The following UTP20 variants were observed in gnomAD, a reference collection of about 807,000 sequenced individuals.
The protein encoded by UTP20 is small subunit processome component 20 homolog.
UTP20 carries 164 observed loss-of-function variants against 329.5 expected under a neutral mutation model. That is an observed-to-expected ratio of 0.50 (90% CI 0.44 to 0.57). UTP20 has a LOEUF of 0.57. Ranked by LOEUF, UTP20 falls within the 20% of genes least tolerant of loss-of-function variation. UTP20 has a pLI of 0.00. For synonymous variants in UTP20, 1,151 were observed against 1,159.3 expected (o/e 0.99, Z 0.14); for missense variants, 3,055 against 3,284.2 (o/e 0.93, Z 1.71).
chr12:101,299,517 C>T (rs1193109001), intron 12 of UTP20, among the ~76,000 whole-genome samples, 165 bp from the exon 13 acceptor site: 1 of 152,158 alleles, frequency 6.6e-6, no homozygotes, highest in Non-Finnish European at 1.5e-5. Flanking sequence ...AAAAGCTTCT[C>T]ACTGAAAACT....
At position 101,287,543 on chromosome 12, in the gene UTP20, T is replaced by C. The variant is rs1219663031; in HGVS notation, c.515+1034T>C. On this transcript the variant is annotated intron_variant, in intron 5 of 61. Coordinates refer to ENST00000261637, the MANE Select transcript of UTP20 (RefSeq NM_014503.3). ...TGAAACTGAACTCAACACTTTCCTG[T>C]TAAATCAACTCCTCTTATCTGTACA... Among the ~76,000 whole-genome samples, 3 of 152,240 alleles carry C rather than the reference T, an allele frequency of 2.0e-5. No individual in the cohort carries two copies. The East Asian group carries it at 5.8e-4, about 29-fold the overall frequency.
intron 40 of UTP20, among the ~76,000 whole-genome samples, chr12:101,354,617 G>T (rs886501424): frequency 2.0e-5 from 3 of 152,110 alleles, no homozygotes; most frequent in Non-Finnish European, 4.4e-5. Flanking sequence ...ATAATCGGCA[G>T]TTTATTTGTC....
At chr12:101,284,671 T>C (rs1270871041) in intron 2 of UTP20, among the ~76,000 whole-genome samples, 1 of 152,148 alleles carries the variant, frequency 6.6e-6, no homozygotes, top group Admixed American at 6.5e-5. Flanking sequence ...TGATAATTTA[T>C]TGGCTTTACC....
chr12:101,356,103 C>G (rs113036031), intron 41 of UTP20, among the ~76,000 whole-genome samples: 29 of 152,280 alleles, frequency 1.9e-4, no homozygotes, highest in African/African-American at 7.0e-4. Context: ...GGCTTAAGAT[C>G]TATAGAAAGA....
intron 21 of UTP20, among the ~76,000 whole-genome samples, chr12:101,314,455 G>A (rs1233400049): frequency 1.3e-5 from 2 of 151,824 alleles, no homozygotes; most frequent in Non-Finnish European, 2.9e-5. Flanking sequence ...TCAGGAGATC[G>A]AGACCATCCT....
chr12:101,300,149 C>A, intron 14 of UTP20, 88 bp downstream of exon 14: 2 of 1,284,714 alleles, frequency 1.6e-6, no homozygotes, highest in Non-Finnish European at 2.3e-6. Flanking sequence ...GAGAATAATA[C>A]TTACATTGTG....
At chr12:101,330,531 T>TGGAAAAGGGACTATA (rs1868727672) in intron 27 of UTP20, among the ~76,000 whole-genome samples, 2 of 152,166 alleles carry the variant, frequency 1.3e-5, no homozygotes, top group Admixed American at 1.3e-4. Flanking sequence ...AGTTGCTTTG[T>TGGAAAAGGGACTATA]GGAAAAGGGA....
chr12:101,337,907 A>G (rs990382386), intron 29 of UTP20, 144 bp from the exon 30 acceptor site: 34 of 750,708 alleles, frequency 4.5e-5, no homozygotes, highest in Middle Eastern at 3.2e-4. Flanking sequence ...TATCCATCAA[A>G]TTTTAGATTT....
chr12:101,348,194 T>A (rs1869396610), intron 38 of UTP20, among the ~76,000 whole-genome samples: 2 of 152,334 alleles, frequency 1.3e-5, no homozygotes, highest in Middle Eastern at 3.4e-3. Context: ...GTTGGTTTCT[T>A]ATTGGTAGCT....
intron 22 of UTP20, among the ~76,000 whole-genome samples, chr12:101,318,033 C>T (rs1203347032): frequency 2.0e-5 from 3 of 152,166 alleles, no homozygotes; most frequent in Non-Finnish European, 4.4e-5. Flanking sequence ...TGTAATGGAA[C>T]ATCCTTTTTC....
At chr12:101,365,757 G>A (rs770311109) in intron 46 of UTP20, 132 bp downstream of exon 46, 9 of 609,332 alleles carry the variant, frequency 1.5e-5, no homozygotes, top group Non-Finnish European at 2.3e-5. Context: ...GTACTTTATG[G>A]TGTGATACAT....
At position 101,298,099 on chromosome 12, in the gene UTP20, A is replaced by C. The variant is rs536107349; in HGVS notation, c.1431-1583A>C. 3.9e-5 allele frequency among the ~76,000 whole-genome samples: 6 copies of C among 152,338 alleles called. No homozygotes were observed. In the South Asian group the frequency reaches 1.2e-3, roughly 32 times the overall value. On this transcript the variant is annotated intron_variant, in intron 12 of 61. Coordinates refer to ENST00000261637, the MANE Select transcript of UTP20 (RefSeq NM_014503.3). ...ACCAGTTTGCTGTGAGAAAAAATAA[A>C]GATAATAAATGTGAAAAGACTCTTT...
chr12:101,354,688 T>C lies in UTP20; in HGVS notation c.5108-144T>C, dbSNP rs1869656289. The C allele has an allele frequency of 6.3e-6, 5 of 798,484 alleles. No homozygotes were observed. The East Asian group carries it at 1.3e-4, about 21-fold the overall frequency. 49.5% of individuals were successfully genotyped at this position (798,484 alleles called of 1,614,324 possible). On this transcript the variant is annotated intron_variant, in intron 40 of 61. Transcript: ENST00000261637. ...CATGGCCCTCTCATTTACTGCTCTT[T>C]CCTCAGCACTTACCTTGCCTGCCCA... is the stretch of plus-strand genomic sequence containing the variant.
intron 48 of UTP20, among the ~76,000 whole-genome samples, chr12:101,368,224 G>A (rs927381957): frequency 7.9e-5 from 12 of 151,406 alleles, no homozygotes; most frequent in African/African-American, 2.9e-4. Flanking sequence ...TAGGTTCAAA[G>A]GATTCTCTTG....
In UTP20 at chr12:101,344,646, A is replaced by G. The variant is rs539094192; in HGVS notation, c.4501A>G (p.Ile1501Val). 6.2e-6 allele frequency: 9 copies of G among 1,453,798 alleles called. No homozygotes were observed. The South Asian group carries it at 8.0e-5, about 13-fold the overall frequency. 90.1% of individuals were successfully genotyped at this position (1,453,798 alleles called of 1,614,324 possible). A position where few individuals can be genotyped will look rare whatever the true frequency, so the allele number is the denominator to read the frequency against. ...DNASMCLMSI[I>V]KKLAALNVTE... is the part of the protein sequence containing the mutation. ...TGCCAGCATGTGCCTGATGAGTATC[A>G]TCAAAAAGCTAGCTGCCTTGAATGT... Residue 1501 changes from isoleucine to valine, a missense_variant, in exon 36 of 62, where the codon ATC (isoleucine) becomes GTC (valine). This residue lies in a region of UTP20 where 2,445 missense variants were observed against 2,575.5 expected (regional missense o/e 0.95). Coordinates refer to ENST00000261637, the MANE Select transcript of UTP20 (RefSeq NM_014503.3).
At chr12:101,326,692 C>A (rs948406943) in intron 25 of UTP20, among the ~76,000 whole-genome samples, 1 of 151,978 alleles carries the variant, frequency 6.6e-6, no homozygotes, top group Non-Finnish European at 1.5e-5. Flanking sequence ...CATAACAAAC[C>A]ACCTTCTGGC....
Position 101,383,583 on chromosome 12 carries a change from A to C in UTP20, c.7970A>C (p.Asp2657Ala). ...IFKFLGAVAM[D>A]LGIDKVKPYL... The stretch of plus-strand genomic sequence containing the variant: ...AAGTTCCTCGGCGCCGTAGCAATGG[A>C]TCTTGGGATAGACAAGGTAAAGCCG... Residue 2657 changes from aspartate (D) to alanine (A), a missense_variant, in exon 60 of 62, where the codon GAT (aspartate) becomes GCT (alanine). By Grantham distance (126) the Asp-to-Ala change is moderately radical. Coordinates refer to ENST00000261637, the MANE Select transcript of UTP20 (RefSeq NM_014503.3). 6.2e-7 allele frequency: 1 copy of C among 1,613,876 alleles called. No homozygotes were observed. The highest frequency in any genetic ancestry group is 8.5e-7 in the Non-Finnish European group (1 of 1,179,952).
Position 101,369,790 on chromosome 12 carries a change from G to A in UTP20, c.6454G>A (p.Ala2152Thr). Residue 2152 changes from alanine (A) to threonine (T), a missense_variant, in exon 49 of 62, where the codon GCA becomes ACA. This residue lies in a region of UTP20 where 2,445 missense variants were observed against 2,575.5 expected (regional missense o/e 0.95). Coordinates refer to ENST00000261637, the MANE Select transcript of UTP20 (RefSeq NM_014503.3). The part of the protein sequence containing the change: ...RFPLPSIETK[A>T]EQLTKHLFLL... Reference sequence around the variant, plus strand: ...CCCGCTACCTTCCATAGAAACAAAAGCAGAGCAGCTGACAAAACACCTCTT... The same window carrying A: ...CCCGCTACCTTCCATAGAAACAAAAACAGAGCAGCTGACAAAACACCTCTT... 6.2e-7 allele frequency: 1 copy of A among 1,612,116 alleles called. No homozygotes were observed. Among genetic ancestry groups the A allele is most frequent in the Non-Finnish European group, 8.5e-7 (1 of 1,178,236 alleles).
At chr12:101,298,097 A>G (rs1028163245) in intron 12 of UTP20, among the ~76,000 whole-genome samples, 1 of 152,224 alleles carries the variant, frequency 6.6e-6, no homozygotes, top group Non-Finnish European at 1.5e-5. Context: ...GAGAAAAAAT[A>G]AAGATAATAA....
Sources: gnomAD v4.1 joint callset for allele counts (sites outside exome capture counted in the v4.1 genomes callset) on GRCh38, gnomAD v4.1.1 for gene constraint, gnomAD v4.1.1 regional missense constraint, MANE v1.5 for transcripts, NCBI Gene and HGNC (gene_info 2026-07-23, HGNC 2026-07-21) for gene names.